The following MANBA variants were observed in gnomAD, a reference collection of about 807,000 sequenced individuals.
MANBA encodes the protein beta-mannosidase.
Under a neutral mutation model 111.1 loss-of-function variants are expected in MANBA, and 83 were observed. The observed-to-expected ratio is 0.75, with a 90% confidence interval of 0.63 to 0.90. The LOEUF is 0.90. Ranked by LOEUF, MANBA falls within the 40% of genes least tolerant of loss-of-function variation. The pLI, the probability that MANBA is intolerant of heterozygous loss-of-function variation, is 0.00. For missense variants in MANBA, 1,036 were observed against 1,069.0 expected, an observed-to-expected ratio of 0.97 and a Z score of 0.43; for synonymous variants, 370 against 378.7, an observed-to-expected ratio of 0.98 and a Z score of 0.27.
chr4:102,760,027 C>G (rs571508827), intron 1 of MANBA, among the ~76,000 whole-genome samples: 1 of 152,272 alleles, frequency 6.6e-6, no homozygotes, highest in Admixed American at 6.5e-5. Flanking sequence ...CCTATGCGCA[C>G]AGGCAGCCAA....
At chr4:102,757,515 C>A (rs1724072785) in intron 1 of MANBA, among the ~76,000 whole-genome samples, 1 of 152,124 alleles carries the variant, frequency 6.6e-6, no homozygotes, top group Admixed American at 6.5e-5. Context: ...AAAAAAAATC[C>A]TGGTATTTTC....
At chr4:102,691,350 C>T (rs528160360) in intron 5 of MANBA, among the ~76,000 whole-genome samples, 14 of 152,172 alleles carry the variant, frequency 9.2e-5, no homozygotes, top group African/African-American at 2.9e-4. Context: ...CCAGGATAAA[C>T]ATGGCCCCTA....
chr4:102,652,079 T>C (rs953665399), intron 12 of MANBA, among the ~76,000 whole-genome samples: 5 of 152,202 alleles, frequency 3.3e-5, no homozygotes, highest in African/African-American at 9.7e-5. Context: ...ACCTCAAACA[T>C]TTATCATTTC....
At chr4:102,700,452 G>C (rs1474043972) in intron 5 of MANBA, among the ~76,000 whole-genome samples, 2 of 151,972 alleles carry the variant, frequency 1.3e-5, no homozygotes, top group African/African-American at 2.4e-5. Flanking sequence ...TGTGATGTTA[G>C]GGTGTCAATT....
intron 5 of MANBA, among the ~76,000 whole-genome samples, chr4:102,706,318 GC>G (rs1733294148): frequency 6.6e-6 from 1 of 152,172 alleles, no homozygotes; most frequent in Admixed American, 6.5e-5. Flanking sequence ...TATACCCTAA[GC>G]CACTGAGGAA....
At chr4:102,724,178 A>G (rs1722696154) in intron 2 of MANBA, among the ~76,000 whole-genome samples, 1 of 152,238 alleles carries the variant, frequency 6.6e-6, no homozygotes, top group Non-Finnish European at 1.5e-5. Context: ...ATAATGTATC[A>G]ATAAATCACC....
chr4:102,710,911 A>G (rs965223053), intron 5 of MANBA, among the ~76,000 whole-genome samples: 5 of 152,226 alleles, frequency 3.3e-5, no homozygotes, highest in African/African-American at 9.6e-5. Flanking sequence ...TTGGATATCC[A>G]TAAGCAGAAA....
Position 102,689,600 on chromosome 4 carries a change from C to T in MANBA, c.934G>A (p.Gly312Ser), listed in dbSNP as rs565957693. The T allele has an allele frequency of 6.2e-7, 1 of 1,605,784 alleles. No homozygotes were observed. Among genetic ancestry groups the T allele is most frequent in the East Asian group, 2.2e-5 (1 of 44,726 alleles). Reference sequence around the variant, plus strand: ...TTAGCTGATTTTTCAATATTTAAGCCTCCATCCAGTTCAAAAAGAACAGTC... The same window carrying T: ...TTAGCTGATTTTTCAATATTTAAGCTTCCATCCAGTTCAAAAAGAACAGTC... The part of the protein sequence containing the change: ...NMTVLFELDG[G>S]LNIEKSAKVY... Residue 312 changes from glycine (G) to serine (S), a missense_variant, in exon 7 of 17, where the codon GGC becomes AGC. Gly to Ser is a moderately conservative substitution (Grantham distance 56, BLOSUM62 0). Coordinates refer to ENST00000647097, the MANE Select transcript of MANBA (RefSeq NM_005908.4).
intron 15 of MANBA, 133 bp from the exon 16 acceptor site, chr4:102,635,178 C>A: frequency 1.1e-6 from 1 of 926,952 alleles, no homozygotes. Context: ...AGTTTTAATC[C>A]CAGTCCTGCA....
At position 102,650,551 on chromosome 4, in the gene MANBA, T is replaced by C; in HGVS notation, c.1855A>G (p.Ile619Val). 6.2e-7 allele frequency: 1 copy of C among 1,612,700 alleles called. No individual in the cohort carries two copies. The highest frequency in any genetic ancestry group is 8.5e-7 in the Non-Finnish European group (1 of 1,178,750). The change falls in exon 13 of 17, where the codon ATC (isoleucine) becomes GTC (valine). Residue 619 changes from isoleucine to valine, a missense_variant. By Grantham distance (29) the Ile-to-Val change is conservative (BLOSUM62 3). Coordinates refer to ENST00000647097, the MANE Select transcript of MANBA (RefSeq NM_005908.4). ...AAACAACTTACCTGAGTAAGGTAGA[T>C]GGTATCTTTAAATGTGCGTAATGGA... ...TDPLRTFKDT[I>V]YLTQVMQAQC...
intron 4 of MANBA, among the ~76,000 whole-genome samples, chr4:102,719,601 T>C (rs223502): frequency 0.31 from 47,306 of 152,086 alleles, 7,559 homozygotes; most frequent in African/African-American, 0.38. Context: ...GTTCATTACC[T>C]GTAATTATAG....
chr4:102,635,784 TCCCAAAAGAATGTAA>T, intron 15 of MANBA, 66 bp downstream of exon 15: 2 of 1,413,864 alleles, frequency 1.4e-6, no homozygotes, highest in Non-Finnish European at 2.0e-6. Context: ...TCTTTTATTT[TCCCAAAAGAATGTAA>T]CCAAACAACT....
At chr4:102,707,069 A>T (rs575491582) in intron 5 of MANBA, among the ~76,000 whole-genome samples, 1 of 152,306 alleles carries the variant, frequency 6.6e-6, no homozygotes, top group East Asian at 1.9e-4. Context: ...TCTAGATAAA[A>T]AAATCTCAGA....
At chr4:102,657,653 A>C (rs1174230215) in intron 12 of MANBA, 29 bp downstream of exon 12, 1 of 1,530,858 alleles carries the variant, frequency 6.5e-7, no homozygotes, top group African/African-American at 1.4e-5. Flanking sequence ...TATCATTCTG[A>C]AACATTAGAA....
chr4:102,686,226 A>G (rs1163721882), intron 7 of MANBA, among the ~76,000 whole-genome samples: 1 of 152,124 alleles, frequency 6.6e-6, no homozygotes, highest in East Asian at 1.9e-4. Context: ...CCACACATAC[A>G]CATGCATTTA....
chr4:102,719,143 C>T (rs1262564574), intron 4 of MANBA, among the ~76,000 whole-genome samples: 1 of 152,120 alleles, frequency 6.6e-6, no homozygotes, highest in Non-Finnish European at 1.5e-5. Flanking sequence ...GTATTTCAGT[C>T]CTTATCTCAA....
At position 102,747,681 on chromosome 4, in the gene MANBA, C is replaced by T. The variant is rs185672672; in HGVS notation, c.177+13037G>A. Among the ~76,000 whole-genome samples, 32 of 152,302 alleles carry T rather than the reference C, an allele frequency of 2.1e-4. No individual in the cohort carries two copies. The East Asian group carries it at 3.5e-3, about 17-fold the overall frequency. On this transcript the variant is annotated intron_variant, in intron 1 of 16. Transcript: ENST00000647097. ...ACAGGTACAAGAGATCCCCAGCCCA[C>T]GAGTCTGGCAACATGTTTTGGTCAG...
chr4:102,633,412 G>A (rs951740323), intron 16 of MANBA: 10 of 398,592 alleles, frequency 2.5e-5, no homozygotes, highest in East Asian at 7.1e-5. Context: ...GGTTATCTTC[G>A]TTGGATTGGA....
At chr4:102,751,578 C>A (rs1368747462) in intron 1 of MANBA, 2 of 538,044 alleles carry the variant, frequency 3.7e-6, no homozygotes, top group African/African-American at 3.8e-5. Flanking sequence ...TATTAAGGGC[C>A]AGTTTCTGCG....
Sources: allele counts gnomAD v4.1 joint callset (sites outside exome capture counted in the v4.1 genomes callset), GRCh38; gene constraint gnomAD v4.1.1; transcripts MANE v1.5; gene names NCBI Gene and HGNC (gene_info 2026-07-23, HGNC 2026-07-21).